Variants in GABRA3 observed in about 807,000 individuals in gnomAD.
GABRA3 encodes the protein gamma-aminobutyric acid receptor subunit alpha-3.
A neutral mutation model predicts 30.1 loss-of-function variants in GABRA3; 10 were observed. The observed-to-expected ratio is 0.33, with a 90% CI of 0.20 to 0.56. GABRA3 has a LOEUF of 0.56. Among genes scored for constraint, GABRA3 ranks in the 20% least tolerant of loss-of-function variants. GABRA3 has a pLI of 0.89. For missense variants in GABRA3, 233 were observed against 392.0 expected, an observed-to-expected ratio of 0.59 and a Z score of 3.42; for synonymous variants, 151 against 146.8, an observed-to-expected ratio of 1.03 and a Z score of -0.21.
intron 1 of GABRA3, among the ~76,000 whole-genome samples, chrX:152,386,319 A>G (rs1266898043): frequency 1.8e-5 from 2 of 110,441 alleles, no homozygotes; most frequent in Non-Finnish European, 3.8e-5. Flanking sequence ...GTCCCTTGTA[A>G]GTTGGATTCC....
At chrX:152,385,767 G>A (rs867856260) in intron 1 of GABRA3, among the ~76,000 whole-genome samples, 7 of 111,400 alleles carry the variant, frequency 6.3e-5, no homozygotes, top group African/African-American at 1.6e-4. Context: ...ATTAATTTTC[G>A]TATAAGGTGT....
At chrX:152,351,158 T>A (rs1940473605) in intron 2 of GABRA3, among the ~76,000 whole-genome samples, 1 of 111,906 alleles carries the variant, frequency 8.9e-6, no homozygotes, top group Non-Finnish European at 1.9e-5. Context: ...GGGCTTCAGC[T>A]TAAAGTTACC....
intron 3 of GABRA3, among the ~76,000 whole-genome samples, chrX:152,336,440 A>G (rs916068982): frequency 1.8e-5 from 2 of 112,073 alleles, no homozygotes; most frequent in African/African-American, 6.5e-5. Flanking sequence ...AAACATCTTC[A>G]TTACCAACCA....
intron 1 of GABRA3, among the ~76,000 whole-genome samples, chrX:152,449,176 G>T (rs1216052791): frequency 8.9e-6 from 1 of 112,032 alleles, no homozygotes; most frequent in Non-Finnish European, 1.9e-5. Context: ...TAGTCCCAAA[G>T]AACCAACGAA....
chrX:152,372,663 G>A, intron 1 of GABRA3, among the ~76,000 whole-genome samples: 1 of 111,205 alleles, frequency 9.0e-6, no homozygotes, highest in East Asian at 2.8e-4. Flanking sequence ...CACAACTCTG[G>A]GCATCCTTTT....
At chrX:152,380,272 C>G (rs1929107592) in intron 1 of GABRA3, among the ~76,000 whole-genome samples, 1 of 111,309 alleles carries the variant, frequency 9.0e-6, no homozygotes, top group Non-Finnish European at 1.9e-5. Context: ...TCTACCCCAC[C>G]CAATCTCTGG....
chrX:152,323,766 T>C (rs964763290), intron 3 of GABRA3, among the ~76,000 whole-genome samples: 3 of 112,122 alleles, frequency 2.7e-5, no homozygotes, highest in Non-Finnish European at 3.8e-5. Context: ...CTTAATACTG[T>C]TTACATTTAC....
rs1379741668 is a variant in GABRA3, at chrX:152,279,896, G to C, written c.330+4772C>G. Among the ~76,000 whole-genome samples, 18 of 111,155 alleles carry C rather than the reference G, an allele frequency of 1.6e-4. No homozygotes were observed. The Admixed American group carries it at 1.7e-3, about 11-fold the overall frequency. On this transcript the variant is annotated intron_variant, in intron 4 of 9. Transcript: ENST00000370314. ...CAATTGTGAATGGGAGCTCACTCAT[G>C]ATTTGGCTCTCTGTTTGTCTGTTAT...
At position 152,280,317 on chromosome X, in the gene GABRA3, G is replaced by C. The variant is rs1220512959; in HGVS notation, c.330+4351C>G. Among the ~76,000 whole-genome samples the C allele has an allele frequency of 3.6e-5, 4 of 111,501 alleles. No homozygotes were observed. In the East Asian group the frequency reaches 1.1e-3, roughly 31 times the overall value. ...TATTGCATCTGCAATGCCATATCCT[G>C]TGGAATAAGAATAAATTGACAGCCT... On this transcript the variant is annotated intron_variant, in intron 4 of 9. Coordinates refer to ENST00000370314, the MANE Select transcript of GABRA3 (RefSeq NM_000808.4).
intron 4 of GABRA3, among the ~76,000 whole-genome samples, chrX:152,268,539 G>A (rs1378658422): frequency 8.9e-6 from 1 of 111,808 alleles, no homozygotes; most frequent in Non-Finnish European, 1.9e-5. Context: ...CCATTCCTGG[G>A]TATGTCTTTA....
intron 1 of GABRA3, among the ~76,000 whole-genome samples, chrX:152,448,296 T>A (rs1602736707): frequency 1.8e-5 from 2 of 112,277 alleles, no homozygotes; most frequent in African/African-American, 6.5e-5. Flanking sequence ...TTTAACAAGA[T>A]TCCCAGGAGA....
intron 2 of GABRA3, among the ~76,000 whole-genome samples, chrX:152,350,951 T>C (rs1940470315): frequency 8.9e-6 from 1 of 112,153 alleles, no homozygotes; most frequent in African/African-American, 3.2e-5. Flanking sequence ...GCATTGTCAA[T>C]GAAAAATAAT....
chrX:152,249,400 G>A (rs902768769), intron 5 of GABRA3, among the ~76,000 whole-genome samples: 4 of 111,202 alleles, frequency 3.6e-5, no homozygotes, highest in Non-Finnish European at 5.7e-5. Context: ...GATGTTTTAC[G>A]TAAAGTACCT....
intron 4 of GABRA3, among the ~76,000 whole-genome samples, chrX:152,284,445 G>A (rs1209384699): frequency 9.0e-6 from 1 of 111,286 alleles, no homozygotes; most frequent in Non-Finnish European, 1.9e-5. Flanking sequence ...GTGGGAGAAA[G>A]ATAAGGGCAC....
At chrX:152,318,862 C>T (rs1452965365) in intron 3 of GABRA3, among the ~76,000 whole-genome samples, 1 of 111,667 alleles carries the variant, frequency 9.0e-6, no homozygotes, top group Non-Finnish European at 1.9e-5. Flanking sequence ...CCATCAATGA[C>T]AAACCCACAG....
At chrX:152,173,225 T>C (rs1937026606) in intron 9 of GABRA3, among the ~76,000 whole-genome samples, 2 of 109,141 alleles carry the variant, frequency 1.8e-5, no homozygotes, top group South Asian at 8.2e-4. Flanking sequence ...TTGCACCACT[T>C]TCCTGTAAAG....
intron 4 of GABRA3, among the ~76,000 whole-genome samples, chrX:152,277,457 T>A (rs777746036): frequency 1.9e-4 from 21 of 111,398 alleles, no homozygotes; most frequent in Non-Finnish European, 4.0e-4. Context: ...TATTGTATTG[T>A]ATACTTGCAC....
chrX:152,226,533 G>A (rs1937958575), intron 5 of GABRA3, among the ~76,000 whole-genome samples: 1 of 111,398 alleles, frequency 9.0e-6, no homozygotes. Flanking sequence ...TTGAAAAATG[G>A]GATCTAATTA....
chrX:152,415,235 T>C (rs1603256919), intron 1 of GABRA3, among the ~76,000 whole-genome samples: 1 of 111,527 alleles, frequency 9.0e-6, no homozygotes, highest in East Asian at 2.8e-4. Flanking sequence ...ATGTTAATAA[T>C]AGGGGAAACT....
Sources: gnomAD v4.1 joint callset for allele counts (sites outside exome capture counted in the v4.1 genomes callset) on GRCh38, gnomAD v4.1.1 for gene constraint, MANE v1.5 for transcripts, NCBI Gene and HGNC (gene_info 2026-07-23, HGNC 2026-07-21) for gene names.